The following ZNF227 variants were observed in gnomAD, a reference collection of about 807,000 sequenced individuals.
The protein encoded by ZNF227 is zinc finger protein 227.
A neutral mutation model predicts 13.2 loss-of-function variants in ZNF227; 12 were observed. That is an observed-to-expected ratio of 0.91 (90% CI 0.58 to 1.47). ZNF227 has a LOEUF of 1.47. ZNF227 is among the 40% of genes most tolerant of loss of function. The probability of loss-of-function intolerance (pLI) is 0.00; values close to 1 mark genes in which losing one functional copy is unlikely to be tolerated. For synonymous variants in ZNF227, 338 were observed against 326.0 expected, an observed-to-expected ratio of 1.04 and a Z score of -0.40; for missense variants, 885 against 967.5, an observed-to-expected ratio of 0.91 and a Z score of 1.13.
chr19:44,224,732 C>T (rs1972915160), intron 3 of ZNF227, among the ~76,000 whole-genome samples: 1 of 152,170 alleles, frequency 6.6e-6, no homozygotes, highest in Non-Finnish European at 1.5e-5. Flanking sequence ...ATTTGCCAGT[C>T]TATGTCTTTT....
upstream of ZNF227, among the ~76,000 whole-genome samples, chr19:44,210,180 G>C (rs1971306075): frequency 6.6e-6 from 1 of 152,136 alleles, no homozygotes; most frequent in Non-Finnish European, 1.5e-5. Flanking sequence ...TAGTCTTCTA[G>C]TTTTTTTCCC....
rs570300729 is a variant in ZNF227, at chr19:44,217,984, G to A, written c.60+132G>A. ...GGACATGTGGTATGCTGACATGTAT[G>A]TGTTTTTTTGTTTTAGTTTATCACC... On this transcript the variant is annotated intron_variant, in intron 3 of 5. Coordinates refer to ENST00000313040, the MANE Select transcript of ZNF227 (RefSeq NM_182490.3). 1.1e-4 allele frequency: 111 copies of A among 982,302 alleles called. No individual in the cohort carries two copies. The African/African-American group carries it at 1.5e-3, about 13-fold the overall frequency. The allele number at this position is 982,302 out of a possible 1,614,324, so 60.8% of individuals were successfully genotyped here. A position where few individuals can be genotyped will look rare whatever the true frequency, so the allele number is the denominator to read the frequency against.
upstream of ZNF227, among the ~76,000 whole-genome samples, chr19:44,211,899 C>CTT (rs528951551): frequency 8.7e-4 from 57 of 65,466 alleles, no homozygotes; most frequent in African/African-American, 1.9e-3. Context: ...TTTTTTTTTT[C>CTT]TTTTTTTTTT....
intron 2 of ZNF227, chr19:44,217,488 T>C: frequency 1.7e-6 from 1 of 583,768 alleles, no homozygotes; most frequent in Non-Finnish European, 3.2e-6. Context: ...GTATCATTTC[T>C]AGGAATTAAA....
chr19:44,230,217 G>A (rs933223489), intron 5 of ZNF227, among the ~76,000 whole-genome samples: 1 of 152,068 alleles, frequency 6.6e-6, no homozygotes, highest in Admixed American at 6.6e-5. Flanking sequence ...GTCTTGCTGT[G>A]TTGCCCAGGC....
rs1599801207 is a variant in ZNF227 at position 44,223,424 on chromosome 19, T to A, written c.61-5022T>A. Among the ~76,000 whole-genome samples, 3 of 152,246 alleles carry A rather than the reference T, an allele frequency of 2.0e-5. No individual in the cohort carries two copies. In the South Asian group the frequency reaches 6.2e-4, roughly 31 times the overall value. On this transcript the variant is annotated intron_variant, in intron 3 of 5. Transcript: ENST00000313040. ...TCTTTTTGGTTGGTAAGCTATTGAT[T>A]ATTGCCACAATTTCAGAGCCTGTTA...
chr19:44,236,442 A>G lies in ZNF227; in HGVS notation c.2012A>G (p.Tyr671Cys), dbSNP rs1323822782. ...KCDVCGKGFR[Y>C]SSQFIYHQRG... ...GATGTGTGTGGAAAGGGCTTTAGATACAGTTCGCAGTTTATATACCATCAG... is the reference window on the plus strand; with the variant it reads ...GATGTGTGTGGAAAGGGCTTTAGATGCAGTTCGCAGTTTATATACCATCAG... Residue 671 changes from tyrosine to cysteine, a missense_variant, in exon 6 of 6, where the codon TAC (tyrosine) becomes TGC (cysteine). Transcript: ENST00000313040. The G allele has an allele frequency of 6.2e-7, 1 of 1,613,870 alleles. No homozygotes were observed. Among genetic ancestry groups the G allele is most frequent in the East Asian group, 2.2e-5 (1 of 44,864 alleles).
chr19:44,209,853 TG>T (rs1286394583), upstream of ZNF227, among the ~76,000 whole-genome samples: 1 of 152,212 alleles, frequency 6.6e-6, no homozygotes, highest in Non-Finnish European at 1.5e-5. Flanking sequence ...CCCAAAGTGC[TG>T]GGATTACAGG....
chr19:44,230,926 A>AAAAAAAAAAAAAAAAATAT (rs1555792168), intron 5 of ZNF227, among the ~76,000 whole-genome samples: 1 of 68,116 alleles, frequency 1.5e-5, no homozygotes, highest in African/African-American at 9.8e-5. Flanking sequence ...AAAAAAAAAA[A>AAAAAAAAAAAAAAAAATAT]ATATATATAT....
At chr19:44,230,887 C>T (rs1973706045) in intron 5 of ZNF227, among the ~76,000 whole-genome samples, 1 of 108,678 alleles carries the variant, frequency 9.2e-6, no homozygotes. Flanking sequence ...ACCTGGGCAA[C>T]ATAGTGAGAC....
Position 44,236,320 on chromosome 19 carries a change from G to C in ZNF227, c.1890G>C (p.Lys630Asn), listed in dbSNP as rs758977633. Residue 630 changes from lysine to asparagine, a missense_variant, in exon 6 of 6, where the codon AAG (lysine) becomes AAC (asparagine). Coordinates refer to ENST00000313040, the MANE Select transcript of ZNF227 (RefSeq NM_182490.3). ...ATCAGAGAGTCCATACTGGAGAGAA[G>C]CCATACAAATGTGGTGTCTGTGGTA... Reference protein sequence around the residue: ...RVHQRVHTGEKPYKCGVCGKG... With the variant: ...RVHQRVHTGENPYKCGVCGKG... The C allele has an allele frequency of 1.9e-6, 3 of 1,612,300 alleles. No individual in the cohort carries two copies. In the East Asian group the frequency reaches 6.7e-5, roughly 36 times the overall value.
Position 44,236,505 on chromosome 19 carries a change from A to T in ZNF227, c.2075A>T (p.Glu692Val), listed in dbSNP as rs755237807. Residue 692 changes from glutamate (E) to valine (V), a missense_variant, in exon 6 of 6, where the codon GAG becomes GTG. Coordinates refer to ENST00000313040, the MANE Select transcript of ZNF227 (RefSeq NM_182490.3). ...GGAGAAAAACCTTACAAATGTGAAG[A>T]GTGTGGGAAAGGCTTTGGTAGGAGC... The part of the protein sequence containing the change: ...HTGEKPYKCE[E>V]CGKGFGRSLN... 9 of 1,613,376 alleles carry T rather than the reference A, an allele frequency of 5.6e-6. No individual in the cohort carries two copies. In the South Asian group the frequency reaches 7.7e-5, roughly 14 times the overall value.
intron 3 of ZNF227, among the ~76,000 whole-genome samples, chr19:44,222,961 T>G (rs1972711943): frequency 6.6e-6 from 1 of 151,584 alleles, no homozygotes. Context: ...TTATTGAGAG[T>G]TTTTAGCATG....
chr19:44,223,497 G>T (rs1445346732), intron 3 of ZNF227, among the ~76,000 whole-genome samples: 1 of 152,138 alleles, frequency 6.6e-6, no homozygotes, highest in Non-Finnish European at 1.5e-5. Flanking sequence ...TCTTGGGAGG[G>T]TGTATGTGTT....
intron 2 of ZNF227, 45 bp from the exon 3 acceptor site, chr19:44,217,746 G>A (rs1226482717): frequency 6.3e-7 from 1 of 1,599,840 alleles, no homozygotes; most frequent in Non-Finnish European, 8.6e-7. Flanking sequence ...GTACACATGG[G>A]CTAACAGCAG....
Position 44,234,837 on chromosome 19 carries a change from C to G in ZNF227, c.407C>G (p.Ser136Cys). The change falls in exon 6 of 6, where the codon TCC (serine) becomes TGC (cysteine). Residue 136 changes from serine (S) to cysteine (C), a missense_variant. By Grantham distance (112) the Ser-to-Cys change is moderately radical. Transcript: ENST00000313040. ...ELTRCLQGKS[S>C]QLLQGDSIQV... ...ACCAGGTGTCTTCAGGGGAAGAGTT[C>G]CCAGTTATTACAAGGTGACTCTATT... The G allele has an allele frequency of 3.1e-6, 5 of 1,613,968 alleles. No individual in the cohort carries two copies. The highest frequency in any genetic ancestry group is 3.4e-6 in the Non-Finnish European group (4 of 1,179,994).
Position 44,236,145 on chromosome 19 carries a change from G to C in ZNF227, c.1715G>C (p.Gly572Ala), listed in dbSNP as rs1335470766. 5.6e-6 allele frequency: 9 copies of C among 1,614,188 alleles called. No individual in the cohort carries two copies. The highest frequency in any genetic ancestry group is 7.6e-6 in the Non-Finnish European group (9 of 1,180,028). Reference sequence around the variant, plus strand: ...AAACTACACCAAGTAATTCACACTGGAGAAAAACCATATAAATGTGAGGAA... The same window carrying C: ...AAACTACACCAAGTAATTCACACTGCAGAAAAACCATATAAATGTGAGGAA... The part of the protein sequence containing the change: ...NLKLHQVIHT[G>A]EKPYKCEECG... Residue 572 changes from glycine (G) to alanine (A), a missense_variant, in exon 6 of 6, where the codon GGA becomes GCA. Transcript: ENST00000313040.
At chr19:44,224,341 G>C (rs538412715) in intron 3 of ZNF227, among the ~76,000 whole-genome samples, 1 of 152,146 alleles carries the variant, frequency 6.6e-6, no homozygotes, top group Non-Finnish European at 1.5e-5. Context: ...TTTCTGTCTC[G>C]TTGATCTGTC....
chr19:44,234,607 C>A, intron 5 of ZNF227, 95 bp from the exon 6 acceptor site: 2 of 1,188,250 alleles, frequency 1.7e-6, no homozygotes, highest in Non-Finnish European at 2.3e-6. Flanking sequence ...TTTATCAAGG[C>A]TTTCTCCCAT....
Sources: gnomAD v4.1 joint callset for allele counts (sites outside exome capture counted in the v4.1 genomes callset) on GRCh38, gnomAD v4.1.1 for gene constraint, MANE v1.5 for transcripts, NCBI Gene and HGNC (gene_info 2026-07-23, HGNC 2026-07-21) for gene names.